The following ST3GAL3 variants were observed in gnomAD, a reference collection of about 807,000 sequenced individuals.
ST3GAL3 encodes the protein CMP-N-acetylneuraminate-beta-1,4-galactoside alpha-2,3-sialyltransferase.
In ST3GAL3, 21 loss-of-function variants were observed where a neutral mutation model predicts 50.1. That is an observed-to-expected ratio of 0.42 (90% CI 0.30 to 0.60). ST3GAL3 has a LOEUF of 0.60. Ranked by LOEUF, ST3GAL3 falls within the 20% of genes least tolerant of loss-of-function variation. The probability of loss-of-function intolerance (pLI) is 0.19; values close to 1 mark genes in which losing one functional copy is unlikely to be tolerated. For synonymous variants in ST3GAL3, 183 were observed against 190.0 expected (o/e 0.96, Z 0.30); for missense variants, 353 against 489.4 (o/e 0.72, Z 2.63).
chr1:43,905,942 CCTG>C (rs1364057500), intron 9 of ST3GAL3, among the ~76,000 whole-genome samples: 1 of 103,946 alleles, frequency 9.6e-6, no homozygotes, highest in African/African-American at 3.8e-5. Context: ...CCCTCCTCCT[CCTG>C]CTCCTCTCCC....
chr1:43,736,050 C>T (rs1165382948), intron 1 of ST3GAL3, among the ~76,000 whole-genome samples, 183 bp from the exon 2 acceptor site: 1 of 152,082 alleles, frequency 6.6e-6, no homozygotes, highest in Non-Finnish European at 1.5e-5. Flanking sequence ...CTAGCTTAGG[C>T]GCTGGCTGAT....
intron 1 of ST3GAL3, among the ~76,000 whole-genome samples, chr1:43,725,261 A>G (rs1025842036): frequency 2.6e-5 from 4 of 151,656 alleles, no homozygotes; most frequent in South Asian, 4.2e-4. Context: ...GCTGCAGTGC[A>G]GTGGTGCAAT....
At chr1:43,711,686 G>A (rs1664849558) in intron 1 of ST3GAL3, among the ~76,000 whole-genome samples, 3 of 152,282 alleles carry the variant, frequency 2.0e-5, no homozygotes, top group African/African-American at 4.8e-5. Flanking sequence ...ACAGGCCAAG[G>A]GTGTTGATAC....
chr1:43,791,394 C>T (rs938332743), intron 2 of ST3GAL3, among the ~76,000 whole-genome samples: 9 of 151,560 alleles, frequency 5.9e-5, no homozygotes, highest in Admixed American at 1.3e-4. Flanking sequence ...ATAGCAGTTG[C>T]CCAGTGCATA....
rs1010563595 is a variant in ST3GAL3 at position 43,771,296 on chromosome 1, C to T, written c.119-20806C>T. On this transcript the variant is annotated intron_variant, in intron 2 of 11. Coordinates refer to ENST00000347631, the MANE Select transcript of ST3GAL3 (RefSeq NM_006279.5). Reference sequence around the variant, plus strand: ...AAACATGAATTAGAGATTTATTTTCCAGGTACTATAAAAGTGATTCTTGGA... The same window carrying T: ...AAACATGAATTAGAGATTTATTTTCTAGGTACTATAAAAGTGATTCTTGGA... Among the ~76,000 whole-genome samples the T allele has an allele frequency of 2.8e-4, 42 of 151,690 alleles. 1 individual carries two copies. Among genetic ancestry groups the T allele is most frequent in the South Asian group, 2.1e-3 (10 of 4,788 alleles).
In ST3GAL3 at chr1:43,883,253, G is replaced by A. The variant is rs564232370; in HGVS notation, c.303-11130G>A. 2.0e-4 allele frequency among the ~76,000 whole-genome samples: 31 copies of A among 152,284 alleles called. No individual in the cohort carries two copies. In the East Asian group the frequency reaches 6.0e-3, roughly 29 times the overall value. On this transcript the variant is annotated intron_variant, in intron 5 of 11. Transcript: ENST00000347631. ...TAAAGTGCTGGGATTACAGGCATGA[G>A]CCACCGTGCCTGGCTAGGTGCCCAT...
At chr1:43,905,370 TCTTCCC>T (rs2079165651) in intron 9 of ST3GAL3, among the ~76,000 whole-genome samples, 1 of 71,312 alleles carries the variant, frequency 1.4e-5, no homozygotes, top group Non-Finnish European at 2.6e-5. Context: ...CTTCTGTTCC[TCTTCCC>T]ACCACTCTTC....
At chr1:43,851,183 A>G (rs1478380687) in intron 5 of ST3GAL3, 8 of 1,422,618 alleles carry the variant, frequency 5.6e-6, no homozygotes, top group Non-Finnish European at 7.9e-6. Context: ...GTTCTCCTCC[A>G]GCTGGTCATA....
chr1:43,920,616 G>T, intron 10 of ST3GAL3, 66 bp downstream of exon 10: 1 of 1,605,194 alleles, frequency 6.2e-7, no homozygotes, highest in Non-Finnish European at 8.5e-7. Flanking sequence ...GGAAGGAAGG[G>T]TGGGTGGTGG....
chr1:43,804,215 A>G (rs1193916404), intron 3 of ST3GAL3, among the ~76,000 whole-genome samples: 1 of 152,198 alleles, frequency 6.6e-6, no homozygotes, highest in East Asian at 1.9e-4. Context: ...AGGCAAATTC[A>G]CATGCAACTC....
intron 2 of ST3GAL3, among the ~76,000 whole-genome samples, chr1:43,785,239 C>G (rs1406238724): frequency 6.6e-6 from 1 of 152,190 alleles, no homozygotes; most frequent in Non-Finnish European, 1.5e-5. Flanking sequence ...GTTAAGGGCT[C>G]TTTCATAAAG....
At chr1:43,871,033 T>C (rs1450796821) in intron 5 of ST3GAL3, among the ~76,000 whole-genome samples, 2 of 152,108 alleles carry the variant, frequency 1.3e-5, no homozygotes, top group Admixed American at 1.3e-4. Flanking sequence ...CCTCCTAGGA[T>C]TCATGTGTAG....
intron 6 of ST3GAL3, among the ~76,000 whole-genome samples, chr1:43,895,844 C>G (rs1013048303): frequency 1.3e-5 from 2 of 152,172 alleles, no homozygotes; most frequent in African/African-American, 4.8e-5. Context: ...GGGATAGCTA[C>G]AAAGGCCAGG....
chr1:43,865,942 C>T (rs1461275802), intron 5 of ST3GAL3, among the ~76,000 whole-genome samples: 1 of 152,158 alleles, frequency 6.6e-6, no homozygotes, highest in African/African-American at 2.4e-5. Context: ...TACATTATGT[C>T]AGTAGCTCCT....
At chr1:43,869,566 T>C (rs2072143303) in intron 5 of ST3GAL3, among the ~76,000 whole-genome samples, 1 of 152,132 alleles carries the variant, frequency 6.6e-6, no homozygotes, top group Non-Finnish European at 1.5e-5. Flanking sequence ...TCATAATGCC[T>C]CACACCCAAA....
At chr1:43,744,296 CTG>C (rs1682488342) in intron 2 of ST3GAL3, among the ~76,000 whole-genome samples, 1 of 151,926 alleles carries the variant, frequency 6.6e-6, no homozygotes, top group Non-Finnish European at 1.5e-5. Context: ...CTCGCCCATG[CTG>C]GAGTACAGTG....
intron 2 of ST3GAL3, among the ~76,000 whole-genome samples, chr1:43,742,527 T>C (rs948398152): frequency 6.6e-6 from 1 of 152,192 alleles, no homozygotes; most frequent in African/African-American, 2.4e-5. Flanking sequence ...TTCATAGTTT[T>C]TATGTGTAAT....
intron 4 of ST3GAL3, among the ~76,000 whole-genome samples, chr1:43,837,577 C>T (rs958606103): frequency 6.6e-6 from 1 of 152,188 alleles, no homozygotes; most frequent in African/African-American, 2.4e-5. Context: ...GTATCAAAGC[C>T]TGAGTAGCTG....
At chr1:43,728,551 C>T (rs567106658) in intron 1 of ST3GAL3, among the ~76,000 whole-genome samples, 5 of 152,206 alleles carry the variant, frequency 3.3e-5, no homozygotes, top group Non-Finnish European at 7.4e-5. Flanking sequence ...TTGATACCAA[C>T]CTGGGCCACA....
Sources: gnomAD v4.1 joint callset for allele counts (sites outside exome capture counted in the v4.1 genomes callset) on GRCh38, gnomAD v4.1.1 for gene constraint, MANE v1.5 for transcripts, NCBI Gene and HGNC (gene_info 2026-07-23, HGNC 2026-07-21) for gene names.